CAMK4: variants seen among roughly 807,000 people sequenced by gnomAD.
CAMK4 encodes the protein calcium/calmodulin dependent protein kinase IV, also known as calcium/calmodulin-dependent protein kinase type IV.
Under a neutral mutation model 44.9 loss-of-function variants are expected in CAMK4, and 22 were observed. The ratio of observed to expected loss-of-function variants is 0.49; its 90% confidence interval spans 0.35 to 0.70. The LOEUF (loss-of-function observed/expected upper bound fraction) is 0.70. Among genes scored for constraint, CAMK4 ranks in the 30% least tolerant of loss-of-function variants. The pLI is 0.01. For synonymous variants in CAMK4, 218 were observed against 215.4 expected (o/e 1.01, Z -0.11); for missense variants, 498 against 586.8 (o/e 0.85, Z 1.56).
At chr5:111,249,718 C>A in intron 1 of CAMK4, among the ~76,000 whole-genome samples, 1 of 144,002 alleles carries the variant, frequency 6.9e-6, no homozygotes, top group East Asian at 2.1e-4. Context: ...TTGCTTTCAC[C>A]TAATTATCTC....
At chr5:111,326,588 T>A (rs1748897343) in intron 1 of CAMK4, among the ~76,000 whole-genome samples, 1 of 151,702 alleles carries the variant, frequency 6.6e-6, no homozygotes, top group Non-Finnish European at 1.5e-5. Flanking sequence ...ACCTTTTTTT[T>A]TTAAATAGAA....
At chr5:111,406,641 T>C (rs1580710685) in intron 5 of CAMK4, among the ~76,000 whole-genome samples, 1 of 151,246 alleles carries the variant, frequency 6.6e-6, no homozygotes, top group African/African-American at 2.5e-5. Context: ...CTAGACCAGA[T>C]GACTCTGGGC....
intron 5 of CAMK4, among the ~76,000 whole-genome samples, chr5:111,443,927 TTA>T (rs1272488724): frequency 1.3e-5 from 2 of 152,202 alleles, no homozygotes; most frequent in Non-Finnish European, 2.9e-5. Flanking sequence ...CAAACTCAGC[TTA>T]TATCAAGATA....
intron 1 of CAMK4, among the ~76,000 whole-genome samples, chr5:111,286,456 T>C (rs1209983222): frequency 2.0e-5 from 3 of 152,232 alleles, no homozygotes; most frequent in Non-Finnish European, 2.9e-5. Flanking sequence ...GGTGTGATTG[T>C]AAGTTATGTA....
At chr5:111,419,556 C>T (rs1457670080) in intron 5 of CAMK4, among the ~76,000 whole-genome samples, 3 of 152,102 alleles carry the variant, frequency 2.0e-5, no homozygotes, top group Admixed American at 1.3e-4. Context: ...AGGTTTTCTT[C>T]TAGGGTTTTT....
chr5:111,334,187 C>A (rs1391955130), intron 1 of CAMK4, among the ~76,000 whole-genome samples: 1 of 151,532 alleles, frequency 6.6e-6, no homozygotes, highest in Non-Finnish European at 1.5e-5. Flanking sequence ...ATTTAACTGA[C>A]TTGGGAAACC....
intron 1 of CAMK4, among the ~76,000 whole-genome samples, chr5:111,264,245 G>A (rs1750128865): frequency 6.6e-6 from 1 of 152,172 alleles, no homozygotes; most frequent in South Asian, 2.1e-4. Context: ...CTTTGTTGGT[G>A]TGATTTGCAG....
In CAMK4 at chr5:111,487,034, T is replaced by A. The variant is rs1435420246; in HGVS notation, c.*2568T>A. 6.6e-6 allele frequency: 1 copy of A among 152,202 alleles called. No individual in the cohort carries two copies. Among genetic ancestry groups the A allele is most frequent in the Non-Finnish European group, 1.5e-5 (1 of 68,022 alleles). The allele number at this position is 152,202 out of a possible 1,614,324, so 9.4% of individuals were successfully genotyped here. A position where few individuals can be genotyped will look rare whatever the true frequency, so the allele number is the denominator to read the frequency against. On this transcript the variant is annotated 3_prime_UTR_variant, in exon 11 of 11. Coordinates refer to ENST00000282356, the MANE Select transcript of CAMK4 (RefSeq NM_001744.6). ...CATATACATACATCCTAAGTTAGGA[T>A]AATTATGTTAACATTTTTGAAAGAA...
chr5:111,451,943 T>C (rs1432941694), intron 7 of CAMK4, among the ~76,000 whole-genome samples: 1 of 152,152 alleles, frequency 6.6e-6, no homozygotes, highest in Admixed American at 6.6e-5. Flanking sequence ...GAAATAAAAA[T>C]CCAAATAACT....
chr5:111,358,977 T>C (rs1020663112), intron 2 of CAMK4, among the ~76,000 whole-genome samples: 6 of 152,130 alleles, frequency 3.9e-5, no homozygotes, highest in African/African-American at 1.4e-4. Flanking sequence ...CAGTTTACCA[T>C]TGATGGACAT....
At chr5:111,423,241 T>G (rs1209427002) in intron 5 of CAMK4, among the ~76,000 whole-genome samples, 2 of 152,178 alleles carry the variant, frequency 1.3e-5, no homozygotes, top group Non-Finnish European at 1.5e-5. Context: ...GGAGAGCACT[T>G]TCCATGGAAA....
intron 4 of CAMK4, among the ~76,000 whole-genome samples, chr5:111,385,613 G>A (rs577438683): frequency 3.9e-5 from 6 of 152,044 alleles, no homozygotes; most frequent in Admixed American, 2.0e-4. Flanking sequence ...TCCCTCTGTC[G>A]CCCAGGCTGG....
At chr5:111,355,500 T>TTATTTATG (rs1359600934) in intron 2 of CAMK4, among the ~76,000 whole-genome samples, 3 of 151,100 alleles carry the variant, frequency 2.0e-5, no homozygotes, top group African/African-American at 7.3e-5. Context: ...ATTTATTTAT[T>TTATTTATG]TATTTATTTA....
At chr5:111,429,917 C>CA (rs139404786) in intron 5 of CAMK4, among the ~76,000 whole-genome samples, 4,823 of 135,774 alleles carry the variant, frequency 0.036, 218 homozygotes, top group African/African-American at 0.11. Flanking sequence ...CAAACTATTC[C>CA]AAAAAAAAAA....
At chr5:111,316,418 G>A (rs987636337) in intron 1 of CAMK4, among the ~76,000 whole-genome samples, 10 of 152,164 alleles carry the variant, frequency 6.6e-5, no homozygotes, top group African/African-American at 2.2e-4. Context: ...CATACTTTGA[G>A]TTGTAACCTT....
chr5:111,476,313 T>C (rs898929557), intron 8 of CAMK4, among the ~76,000 whole-genome samples: 1 of 151,808 alleles, frequency 6.6e-6, no homozygotes, highest in African/African-American at 2.4e-5. Context: ...GAAGTCTTGC[T>C]CTGTCTCCCA....
intron 2 of CAMK4, among the ~76,000 whole-genome samples, chr5:111,360,107 GA>G (rs1229426652): frequency 2.0e-5 from 3 of 152,030 alleles, no homozygotes; most frequent in Non-Finnish European, 2.9e-5. Context: ...CTCTGAACCT[GA>G]ATTCCTCTTG....
chr5:111,313,868 A>T (rs1304827520), intron 1 of CAMK4, among the ~76,000 whole-genome samples: 4 of 152,088 alleles, frequency 2.6e-5, no homozygotes, highest in African/African-American at 9.7e-5. Context: ...ATGAAATTGG[A>T]CTTAACTTTA....
intron 1 of CAMK4, among the ~76,000 whole-genome samples, chr5:111,236,397 C>G (rs931110517): frequency 6.6e-6 from 1 of 152,178 alleles, no homozygotes; most frequent in African/African-American, 2.4e-5. Flanking sequence ...CTAGTTAGTT[C>G]GAGAATACTA....
Sources: gnomAD v4.1 joint callset for allele counts (sites outside exome capture counted in the v4.1 genomes callset) on GRCh38, gnomAD v4.1.1 for gene constraint, MANE v1.5 for transcripts, NCBI Gene and HGNC (gene_info 2026-07-23, HGNC 2026-07-21) for gene names.